BTBD16: variants seen among roughly 807,000 people sequenced by gnomAD.
BTBD16 encodes the protein BTB/POZ domain-containing protein 16.
BTBD16 carries 66 observed loss-of-function variants against 67.4 expected under a neutral mutation model. That is an observed-to-expected ratio of 0.98 (90% CI 0.80 to 1.20). BTBD16 has a LOEUF of 1.20. Among genes scored for constraint, BTBD16 ranks in the 50% most tolerant of loss-of-function variants. The pLI, the probability that BTBD16 is intolerant of heterozygous loss-of-function variation, is 0.00. For synonymous variants in BTBD16, 242 were observed against 236.4 expected (o/e 1.02, Z -0.22); for missense variants, 634 against 616.0 (o/e 1.03, Z -0.31).
At chr10:122,304,155 C>T (rs939530681) in intron 9 of BTBD16, among the ~76,000 whole-genome samples, 4 of 152,196 alleles carry the variant, frequency 2.6e-5, no homozygotes, top group African/African-American at 9.7e-5. Flanking sequence ...GTCTCCCCTT[C>T]CGGCCTCACG....
At position 122,286,201 on chromosome 10, in the gene BTBD16, C is replaced by A. The variant is rs769336919; in HGVS notation, c.338C>A (p.Ala113Glu). The change falls in exon 5 of 16, where the codon GCG (alanine) becomes GAG (glutamate). Residue 113 changes from alanine (A) to glutamate (E), a missense_variant. Coordinates refer to ENST00000260723, the MANE Select transcript of BTBD16 (RefSeq NM_144587.5). The stretch of plus-strand genomic sequence containing the variant: ...GCCAAGCTCTACCTGAAAGCCCTGG[C>A]GCAGGGCACCACACACCCCCTGAGG... ...TLAKLYLKAL[A>E]QGTTHPLREL... 6.2e-7 allele frequency: 1 copy of A among 1,613,674 alleles called. No homozygotes were observed. The highest frequency in any genetic ancestry group is 8.5e-7 in the Non-Finnish European group (1 of 1,179,758).
In BTBD16 at chr10:122,291,132, G is replaced by T; in HGVS notation, c.528G>T (p.Leu176Phe). ...ACATGAGTGAGGTGGAGATTAACTT[G>T]GAAGACCTACTGGGAGTGCTGGCTT... Reference protein sequence around the residue: ...NLYMSEVEINLEDLLGVLASA... With the variant: ...NLYMSEVEINFEDLLGVLASA... Residue 176 changes from leucine (L) to phenylalanine (F), a missense_variant, in exon 7 of 16, where the codon TTG becomes TTT. Leu to Phe is a conservative substitution (Grantham distance 22, BLOSUM62 0). Transcript: ENST00000260723. The T allele has an allele frequency of 1.2e-6, 2 of 1,613,746 alleles. No individual in the cohort carries two copies. The highest frequency in any genetic ancestry group is 1.7e-6 in the Non-Finnish European group (2 of 1,179,848).
chr10:122,320,843 G>GT (rs2096434207), intron 10 of BTBD16, among the ~76,000 whole-genome samples: 1 of 152,048 alleles, frequency 6.6e-6, no homozygotes, highest in African/African-American at 2.4e-5. Flanking sequence ...TGTATTTTAT[G>GT]TCTATTTTTA....
At chr10:122,275,857 G>A (rs887244937) in intron 2 of BTBD16, among the ~76,000 whole-genome samples, 1 of 151,926 alleles carries the variant, frequency 6.6e-6, no homozygotes, top group Non-Finnish European at 1.5e-5. Context: ...CTGCTCCTGG[G>A]CATATAACCA....
At position 122,286,211 on chromosome 10, in the gene BTBD16, C is replaced by T; in HGVS notation, c.348C>T (p.Thr116=). 1 of 1,613,586 alleles carries T rather than the reference C, an allele frequency of 6.2e-7. No homozygotes were observed. The highest frequency in any genetic ancestry group is 8.5e-7 in the Non-Finnish European group (1 of 1,179,594). The change falls in exon 5 of 16, where the codon ACC becomes ACT. Residue 116 remains threonine (T), a synonymous_variant. Coordinates refer to ENST00000260723, the MANE Select transcript of BTBD16 (RefSeq NM_144587.5). ...ACCTGAAAGCCCTGGCGCAGGGCAC[C>T]ACACACCCCCTGAGGGAGCTGGAGG... is the stretch of plus-strand genomic sequence containing the variant. ...KLYLKALAQG[T]THPLRELEEL... is the part of the protein sequence containing the mutation.
intron 7 of BTBD16, chr10:122,294,266 G>C (rs185323188): frequency 2.1e-6 from 2 of 959,600 alleles, no homozygotes; most frequent in Non-Finnish European, 2.5e-6. Flanking sequence ...AGTGCCCCAG[G>C]TCACTCTGAT....
intron 2 of BTBD16, among the ~76,000 whole-genome samples, chr10:122,275,882 C>G (rs58250364): frequency 0.12 from 18,220 of 151,988 alleles, 1,942 homozygotes; most frequent in African/African-American, 0.29. Context: ...AATAAAAAGA[C>G]AGGTGTTCAA....
At chr10:122,317,124 A>G (rs1193388263) in intron 10 of BTBD16, among the ~76,000 whole-genome samples, 4 of 152,198 alleles carry the variant, frequency 2.6e-5, no homozygotes, top group African/African-American at 9.7e-5. Context: ...TACTTAGGCT[A>G]CACTCAAATG....
At chr10:122,301,891 G>A (rs929316635) in intron 9 of BTBD16, among the ~76,000 whole-genome samples, 1 of 152,192 alleles carries the variant, frequency 6.6e-6, no homozygotes, top group Non-Finnish European at 1.5e-5. Flanking sequence ...TCCACGTCTT[G>A]CCCTGTGTGC....
At chr10:122,311,059 T>C (rs1203613899) in intron 10 of BTBD16, among the ~76,000 whole-genome samples, 1 of 152,204 alleles carries the variant, frequency 6.6e-6, no homozygotes, top group Non-Finnish European at 1.5e-5. Context: ...GCAACGACTA[T>C]ACCCAAAAAT....
At chr10:122,281,136 A>C (rs954839134) in intron 3 of BTBD16, among the ~76,000 whole-genome samples, 1 of 152,168 alleles carries the variant, frequency 6.6e-6, no homozygotes, top group Non-Finnish European at 1.5e-5. Context: ...AAAAGTGAGG[A>C]GGATTACATC....
At chr10:122,329,078 C>T (rs2096450408) in intron 10 of BTBD16, among the ~76,000 whole-genome samples, 2 of 152,166 alleles carry the variant, frequency 1.3e-5, no homozygotes, top group South Asian at 4.1e-4. Flanking sequence ...TTTTTCCCAT[C>T]TGTAAAATGG....
chr10:122,288,913 G>A (rs2096368812), intron 5 of BTBD16, among the ~76,000 whole-genome samples: 1 of 152,184 alleles, frequency 6.6e-6, no homozygotes, highest in South Asian at 2.1e-4. Context: ...TGGGAATTGG[G>A]GCTGCTAGTG....
intron 10 of BTBD16, among the ~76,000 whole-genome samples, chr10:122,320,020 A>C (rs933539404): frequency 2.6e-5 from 4 of 152,136 alleles, no homozygotes; most frequent in Non-Finnish European, 4.4e-5. Flanking sequence ...ATTATGTAGA[A>C]ATACAGTATT....
intron 10 of BTBD16, among the ~76,000 whole-genome samples, chr10:122,315,307 T>G (rs760883670): frequency 1.6e-4 from 25 of 152,328 alleles, no homozygotes; most frequent in Middle Eastern, 3.4e-3. Context: ...AGATAGAGAA[T>G]TGTTGATTTA....
chr10:122,278,005 CAGA>C (rs1012873907), intron 3 of BTBD16, among the ~76,000 whole-genome samples: 2 of 152,186 alleles, frequency 1.3e-5, no homozygotes, highest in African/African-American at 4.8e-5. Flanking sequence ...GCACCTGGCA[CAGA>C]AGAACTGCCT....
chr10:122,282,796 C>T lies in BTBD16; in HGVS notation c.168-1055C>T, dbSNP rs112372599. 6.6e-5 allele frequency among the ~76,000 whole-genome samples: 10 copies of T among 152,282 alleles called. 2 individuals are homozygous for T. Among genetic ancestry groups the T allele is most frequent in the African/African-American group, 2.4e-4 (10 of 41,546 alleles). The stretch of plus-strand genomic sequence containing the variant: ...AGTAAACAGGCAGCCACAAGACACT[C>T]CAGAAGGAGTTTTAAGGGGAAAATC... On this transcript the variant is annotated intron_variant, in intron 3 of 15. Coordinates refer to ENST00000260723, the MANE Select transcript of BTBD16 (RefSeq NM_144587.5).
intron 10 of BTBD16, among the ~76,000 whole-genome samples, chr10:122,315,935 T>C (rs151192392): frequency 1.3e-3 from 197 of 152,178 alleles, no homozygotes; most frequent in Non-Finnish European, 2.4e-3. Context: ...ATAATGAAAA[T>C]ATCCATCTCA....
intron 12 of BTBD16, 73 bp from the exon 13 acceptor site, chr10:122,332,363 G>A: frequency 7.0e-7 from 1 of 1,425,688 alleles, no homozygotes; most frequent in Non-Finnish European, 9.8e-7. Context: ...TCAAGGAAGA[G>A]GCATGAAGAT....
Sources: allele counts gnomAD v4.1 joint callset (sites outside exome capture counted in the v4.1 genomes callset), GRCh38; gene constraint gnomAD v4.1.1; transcripts MANE v1.5; gene names NCBI Gene and HGNC (gene_info 2026-07-23, HGNC 2026-07-21).